PARVA: variants seen among roughly 807,000 people sequenced by gnomAD.
PARVA encodes parvin alpha.
Under a neutral mutation model 52.6 loss-of-function variants are expected in PARVA, and 25 were observed. The ratio of observed to expected loss-of-function variants is 0.48; its 90% CI spans 0.35 to 0.66. The LOEUF is 0.66. PARVA is among the 30% of genes least tolerant of loss of function. PARVA has a pLI of 0.01. For synonymous variants in PARVA, 185 were observed against 179.1 expected (o/e 1.03, Z -0.26); for missense variants, 373 against 450.9 (o/e 0.83, Z 1.56).
In PARVA at chr11:12,465,983, G is replaced by A. The variant is rs139034874; in HGVS notation, c.137-7762G>A. ...CCAGCAATAAATGAAAGTTCCTGTT[G>A]CTCCACACCCCTTGCCAGTGTTTAG... On this transcript the variant is annotated intron_variant, in intron 1 of 12. Transcript: ENST00000334956. Among the ~76,000 whole-genome samples the A allele has an allele frequency of 7.8e-3, 1,191 of 152,288 alleles. 11 individuals are homozygous for A. The highest frequency in any genetic ancestry group is 0.03 in the Admixed American group (454 of 15,296).
intron 1 of PARVA, among the ~76,000 whole-genome samples, chr11:12,426,672 C>T (rs980473925): frequency 6.6e-6 from 1 of 152,122 alleles, no homozygotes; most frequent in Non-Finnish European, 1.5e-5. Context: ...AAGCAACTAG[C>T]CCAGGGTCAC....
intron 1 of PARVA, among the ~76,000 whole-genome samples, chr11:12,422,542 T>A (rs1940165547): frequency 6.6e-6 from 1 of 152,166 alleles, no homozygotes; most frequent in African/African-American, 2.4e-5. Context: ...AGGTAAACAG[T>A]TATTTTCATT....
intron 1 of PARVA, among the ~76,000 whole-genome samples, chr11:12,425,956 C>A (rs2134988908): frequency 6.6e-6 from 1 of 152,050 alleles, no homozygotes; most frequent in Non-Finnish European, 1.5e-5. Context: ...TACAAAGAAC[C>A]AAACTCATCT....
intron 10 of PARVA, among the ~76,000 whole-genome samples, chr11:12,516,252 C>T (rs1208315285): frequency 6.6e-6 from 1 of 152,242 alleles, no homozygotes; most frequent in Non-Finnish European, 1.5e-5. Flanking sequence ...CTCTGGGCTC[C>T]TAAGGTGATT....
chr11:12,379,098 G>A (rs1817886), intron 1 of PARVA, among the ~76,000 whole-genome samples: 116,332 of 152,216 alleles, frequency 0.76, 48,189 homozygotes, highest in East Asian at 0.92. Context: ...GGACGTTGCC[G>A]TGGCATGTGT....
At chr11:12,487,987 G>A (rs6485769) in intron 4 of PARVA, among the ~76,000 whole-genome samples, 50,940 of 152,066 alleles carry the variant, frequency 0.33, 10,318 homozygotes, top group East Asian at 0.54. Flanking sequence ...ATTGAAATTG[G>A]TTGAGTGCAT....
chr11:12,447,265 T>C (rs1204059742), intron 1 of PARVA, among the ~76,000 whole-genome samples: 1 of 152,184 alleles, frequency 6.6e-6, no homozygotes, highest in East Asian at 1.9e-4. Context: ...TAAATGCTAA[T>C]CTTAAAAGTG....
intron 1 of PARVA, among the ~76,000 whole-genome samples, chr11:12,395,305 G>A (rs61875439): frequency 0.099 from 15,042 of 152,078 alleles, 1,062 homozygotes; most frequent in African/African-American, 0.19. Context: ...TGTAGTCCCC[G>A]GATAGTAAAC....
chr11:12,480,182 C>T (rs1448980699), intron 4 of PARVA: 1 of 149,100 alleles, frequency 6.7e-6, no homozygotes, highest in East Asian at 2.0e-4. Flanking sequence ...GGAGATCACG[C>T]CGTTGCACTC....
In PARVA at chr11:12,513,982, T is replaced by A; in HGVS notation, c.799-15T>A. On this transcript the variant is annotated splice_polypyrimidine_tract_variant and intron_variant, in intron 9 of 12. Coordinates refer to ENST00000334956, the MANE Select transcript of PARVA (RefSeq NM_018222.5). ...GCGAGTCCCCAGCTTAGGGCCTGCT[T>A]TGCTTCTCTTTTAGACACTCATCAC... 6.2e-7 allele frequency: 1 copy of A among 1,612,776 alleles called. No individual in the cohort carries two copies. The highest frequency in any genetic ancestry group is 8.5e-7 in the Non-Finnish European group (1 of 1,178,852).
At chr11:12,462,837 T>C (rs1940801488) in intron 1 of PARVA, among the ~76,000 whole-genome samples, 1 of 152,182 alleles carries the variant, frequency 6.6e-6, no homozygotes, top group Admixed American at 6.5e-5. Flanking sequence ...TGTCTTCTCC[T>C]AAATTTTCTC....
At chr11:12,515,204 T>C (rs968859711) in intron 10 of PARVA, among the ~76,000 whole-genome samples, 3 of 152,244 alleles carry the variant, frequency 2.0e-5, no homozygotes, top group South Asian at 2.1e-4. Flanking sequence ...CTAATCTTTA[T>C]TGGGGAGATA....
Position 12,496,394 on chromosome 11 carries a change from G to A in PARVA, c.401-64G>A, listed in dbSNP as rs1941299329. On this transcript the variant is annotated intron_variant, in intron 4 of 12. Transcript: ENST00000334956. The stretch of plus-strand genomic sequence containing the variant: ...TGAGAGACCGAATAACTGAGTAAGT[G>A]CATGCAGTAGGGTTGTCTGGGGCCC... 3.9e-6 allele frequency: 6 copies of A among 1,522,026 alleles called. No individual in the cohort carries two copies. The East Asian group carries it at 1.4e-4, about 36-fold the overall frequency. The allele number at this position is 1,522,026 out of a possible 1,614,324, so 94.3% of individuals were successfully genotyped here.
Position 12,534,357 on chromosome 11 carries a change from G to A in PARVA, c.*6432G>A, listed in dbSNP as rs1941810610. On this transcript the variant is annotated 3_prime_UTR_variant, in exon 13 of 13. Transcript: ENST00000334956. ...GTCCAGTGGGTGACTGGCCCAGAAT[G>A]ATGCTTCTCCTCGGTGGACCCCCTG... 6.6e-6 allele frequency among the ~76,000 whole-genome samples: 1 copy of A among 152,162 alleles called. No homozygotes were observed. Among genetic ancestry groups the A allele is most frequent in the African/African-American group, 2.4e-5 (1 of 41,440 alleles).
Position 12,487,830 on chromosome 11 carries a change from C to T in PARVA, c.401-8628C>T, listed in dbSNP as rs970594240. ...GACTGTGTGTGTGTGTGTCAAGGGA[C>T]ACATACAATGTTTGTATGCATAGAA... On this transcript the variant is annotated intron_variant, in intron 4 of 12. Coordinates refer to ENST00000334956, the MANE Select transcript of PARVA (RefSeq NM_018222.5). 5.7e-4 allele frequency among the ~76,000 whole-genome samples: 86 copies of T among 152,210 alleles called. 1 individual carries two copies. Among genetic ancestry groups the T allele is most frequent in the Admixed American group, 3.2e-3 (49 of 15,278 alleles).
chr11:12,439,109 T>C (rs903867936), intron 1 of PARVA, among the ~76,000 whole-genome samples: 5 of 152,138 alleles, frequency 3.3e-5, no homozygotes, highest in African/African-American at 1.2e-4. Flanking sequence ...TTTGGGAAAG[T>C]GACAGAGGAG....
At chr11:12,488,271 A>G (rs1372493372) in intron 4 of PARVA, among the ~76,000 whole-genome samples, 1 of 152,220 alleles carries the variant, frequency 6.6e-6, no homozygotes, top group African/African-American at 2.4e-5. Flanking sequence ...CATTTTTAGC[A>G]TTATGGCTGA....
intron 1 of PARVA, among the ~76,000 whole-genome samples, chr11:12,399,399 G>C (rs766890231): frequency 1.3e-5 from 2 of 152,204 alleles, no homozygotes; most frequent in Non-Finnish European, 2.9e-5. Context: ...TGCAGCTTGT[G>C]TAACCTGTAA....
intron 1 of PARVA, among the ~76,000 whole-genome samples, chr11:12,424,660 G>A (rs976507275): frequency 1.3e-5 from 2 of 152,118 alleles, no homozygotes; most frequent in African/African-American, 4.8e-5. Flanking sequence ...TTAATAGATA[G>A]CATTGCTCTA....
Sources: gnomAD v4.1 joint callset for allele counts (sites outside exome capture counted in the v4.1 genomes callset) on GRCh38, gnomAD v4.1.1 for gene constraint, MANE v1.5 for transcripts, NCBI Gene and HGNC (gene_info 2026-07-23, HGNC 2026-07-21) for gene names.